Variants in EYS observed in about 807,000 individuals in gnomAD.
The protein encoded by EYS is protein eyes shut homolog.
A neutral mutation model predicts 282.1 loss-of-function variants in EYS; 250 were observed. The ratio of observed to expected loss-of-function variants is 0.89; its 90% CI spans 0.80 to 0.98. The LOEUF (loss-of-function observed/expected upper bound fraction) is 0.98. Ranked by LOEUF, EYS falls within the 50% of genes least tolerant of loss-of-function variation. The pLI is 0.00. For synonymous variants in EYS, 1,355 were observed against 1,282.9 expected, an observed-to-expected ratio of 1.06 and a Z score of -1.20; for missense variants, 4,016 against 3,709.0, an observed-to-expected ratio of 1.08 and a Z score of -2.15.
intron 35 of EYS, among the ~76,000 whole-genome samples, chr6:63,879,008 T>A (rs1773057192): frequency 6.6e-6 from 1 of 152,118 alleles, no homozygotes; most frequent in African/African-American, 2.4e-5. Flanking sequence ...GTACTTCAGG[T>A]GCAACTGCAG....
intron 22 of EYS, among the ~76,000 whole-genome samples, chr6:64,746,519 G>T (rs1772560654): frequency 6.6e-6 from 1 of 152,058 alleles, no homozygotes; most frequent in Non-Finnish European, 1.5e-5. Flanking sequence ...ACTAAGGTTT[G>T]ATTTTTAAAC....
chr6:64,871,856 C>G (rs1766607120), intron 19 of EYS, among the ~76,000 whole-genome samples: 1 of 151,976 alleles, frequency 6.6e-6, no homozygotes, highest in Non-Finnish European at 1.5e-5. Context: ...CAGGGTCTTT[C>G]TGTTATGGCT....
intron 31 of EYS, among the ~76,000 whole-genome samples, chr6:64,191,471 A>C (rs2150316652): frequency 1.5e-5 from 2 of 132,778 alleles, no homozygotes; most frequent in East Asian, 2.8e-4. Context: ...GTCCAGTGCT[A>C]TCCCTTCCCC....
At chr6:64,057,350 C>T (rs1771019210) in intron 33 of EYS, among the ~76,000 whole-genome samples, 1 of 150,328 alleles carries the variant, frequency 6.7e-6, no homozygotes, top group Non-Finnish European at 1.5e-5. Flanking sequence ...TCTGGCATAG[C>T]TTCCTTTAGC....
At chr6:65,181,438 C>T (rs1279693624) in intron 12 of EYS, among the ~76,000 whole-genome samples, 1 of 152,132 alleles carries the variant, frequency 6.6e-6, no homozygotes, top group Non-Finnish European at 1.5e-5. Context: ...ATTTATGCAG[C>T]CAAAAGACAC....
At chr6:64,432,531 G>A (rs546988159) in intron 28 of EYS, among the ~76,000 whole-genome samples, 14 of 150,488 alleles carry the variant, frequency 9.3e-5, no homozygotes, top group African/African-American at 3.2e-4. Flanking sequence ...TTATGTTTTA[G>A]TATATAATTA....
At chr6:64,112,704 A>G (rs2150267437) in intron 31 of EYS, among the ~76,000 whole-genome samples, 1 of 150,218 alleles carries the variant, frequency 6.7e-6, no homozygotes, top group South Asian at 2.1e-4. Context: ...TTTTCTATGA[A>G]TTAAAGAATA....
intron 31 of EYS, among the ~76,000 whole-genome samples, chr6:64,091,555 C>T (rs185754508): frequency 6.6e-6 from 1 of 152,256 alleles, no homozygotes; most frequent in East Asian, 1.9e-4. Context: ...ACATGTGAAG[C>T]TACAATTAAG....
At chr6:64,102,316 G>T (rs1772857349) in intron 31 of EYS, among the ~76,000 whole-genome samples, 2 of 152,076 alleles carry the variant, frequency 1.3e-5, no homozygotes, top group Admixed American at 1.3e-4. Flanking sequence ...AAGCTTAGAA[G>T]ATTTTTTGAA....
chr6:64,853,558 G>C (rs1056461412), intron 19 of EYS, among the ~76,000 whole-genome samples: 3 of 152,090 alleles, frequency 2.0e-5, no homozygotes, highest in African/African-American at 7.2e-5. Context: ...CTTTTGAAAA[G>C]GGAGGACAAT....
At chr6:65,395,292 A>G (rs1231370750) in intron 7 of EYS, among the ~76,000 whole-genome samples, 1 of 152,040 alleles carries the variant, frequency 6.6e-6, no homozygotes, top group Non-Finnish European at 1.5e-5. Context: ...TGAACTCCCA[A>G]CCTCAGGTGA....
At position 65,418,124 on chromosome 6, in the gene EYS, G is replaced by T. The variant is rs1360100888; in HGVS notation, c.863-12757C>A. Among the ~76,000 whole-genome samples the T allele has an allele frequency of 2.0e-5, 3 of 151,996 alleles. No homozygotes were observed. The East Asian group carries it at 5.8e-4, about 29-fold the overall frequency. Reference sequence around the variant, plus strand: ...ATGCATATGTTACATATCCTGTTGTGCAATTTTAGGTTAGGCTACATGGGA... The same window carrying T: ...ATGCATATGTTACATATCCTGTTGTTCAATTTTAGGTTAGGCTACATGGGA... On this transcript the variant is annotated intron_variant, in intron 5 of 42. Coordinates refer to ENST00000503581, the MANE Select transcript of EYS (RefSeq NM_001142800.2).
intron 12 of EYS, among the ~76,000 whole-genome samples, chr6:65,226,100 A>G (rs1471053820): frequency 1.3e-5 from 2 of 152,082 alleles, no homozygotes; most frequent in Non-Finnish European, 1.5e-5. Context: ...AGACTTCATG[A>G]TGTTATATAT....
At chr6:65,629,843 C>T (rs1346096553) in intron 2 of EYS, among the ~76,000 whole-genome samples, 7 of 152,076 alleles carry the variant, frequency 4.6e-5, no homozygotes. Flanking sequence ...TCATCCACCT[C>T]TCTGGAATAA....
At chr6:63,769,009 G>A (rs1480537902) in intron 40 of EYS, among the ~76,000 whole-genome samples, 2 of 152,090 alleles carry the variant, frequency 1.3e-5, no homozygotes, top group Non-Finnish European at 2.9e-5. Context: ...TTATAAGTAG[G>A]AGCTGAACAA....
At chr6:64,726,714 A>T (rs1771770345) in intron 22 of EYS, among the ~76,000 whole-genome samples, 1 of 152,186 alleles carries the variant, frequency 6.6e-6, no homozygotes, top group Non-Finnish European at 1.5e-5. Flanking sequence ...GTTTCACATG[A>T]GTGATAGTAA....
intron 14 of EYS, among the ~76,000 whole-genome samples, chr6:64,960,799 C>T (rs1430394426): frequency 3.3e-5 from 5 of 152,100 alleles, no homozygotes; most frequent in Non-Finnish European, 1.5e-5. Context: ...CTCCCTACTC[C>T]CTACTGCCAC....
At chr6:63,857,298 C>T (rs894713031) in intron 36 of EYS, 1 of 152,742 alleles carries the variant, frequency 6.5e-6, no homozygotes, top group African/African-American at 2.4e-5. Context: ...AATACTCTAA[C>T]ACTTCTGCTT....
intron 1 of EYS, among the ~76,000 whole-genome samples, chr6:65,667,689 T>C (rs780637726): frequency 2.6e-5 from 4 of 151,922 alleles, no homozygotes; most frequent in East Asian, 1.9e-4. Flanking sequence ...TACCTCTTGA[T>C]TGCAAGATTG....
Sources: gnomAD v4.1 joint callset for allele counts (sites outside exome capture counted in the v4.1 genomes callset) on GRCh38, gnomAD v4.1.1 for gene constraint, MANE v1.5 for transcripts, NCBI Gene and HGNC (gene_info 2026-07-23, HGNC 2026-07-21) for gene names.